Variants in SMG7 observed in about 807,000 individuals in gnomAD.
The protein encoded by SMG7 is SMG7 nonsense mediated mRNA decay factor.
In SMG7, 34 loss-of-function variants were observed where a neutral mutation model predicts 148.2. The ratio of observed to expected loss-of-function variants is 0.23; its 90% confidence interval spans 0.17 to 0.31. The LOEUF (loss-of-function observed/expected upper bound fraction) is 0.31. SMG7 is among the 10% of genes least tolerant of loss of function. SMG7 has a pLI of 1.00. For synonymous variants in SMG7, 492 were observed against 515.1 expected (o/e 0.96, Z 0.61); for missense variants, 1,114 against 1,408.4 (o/e 0.79, Z 3.35).
In SMG7 at chr1:183,542,179, C is replaced by T; in HGVS notation, c.1519C>T (p.Gln507Ter). 6.2e-7 allele frequency: 1 copy of T among 1,614,062 alleles called. No individual in the cohort carries two copies. The highest frequency in any genetic ancestry group is 8.5e-7 in the Non-Finnish European group (1 of 1,179,962). ...PSEAKENLILQETSVIESLAA... is the reference protein window; with the variant it reads ...PSEAKENLIL Reference sequence around the variant, plus strand: ...TGAAGCCAAAGAGAACCTCATTCTGCAAGAAACATCTGTGATAGAGTCGCT... The same window carrying T: ...TGAAGCCAAAGAGAACCTCATTCTGTAAGAAACATCTGTGATAGAGTCGCT... The change falls in exon 14 of 23, where the codon CAA becomes TAA. Residue 507 changes from glutamine (Q) to a stop codon, truncating the protein, a stop_gained. Transcript: ENST00000688051. LOFTEE classifies it high-confidence loss of function.
At chr1:183,525,315 T>C (rs1470446945) in intron 4 of SMG7, among the ~76,000 whole-genome samples, 2 of 152,170 alleles carry the variant, frequency 1.3e-5, no homozygotes, top group African/African-American at 2.4e-5. Context: ...CTGAAAAATA[T>C]CCGTTGTATT....
intron 8 of SMG7, 73 bp from the exon 9 acceptor site, chr1:183,533,091 C>G (rs1157494191): frequency 7.9e-7 from 1 of 1,268,138 alleles, no homozygotes. Context: ...TGCAGACTAC[C>G]AGTTTAATTT....
At chr1:183,523,654 A>T (rs1179832709) in intron 4 of SMG7, among the ~76,000 whole-genome samples, 1 of 152,154 alleles carries the variant, frequency 6.6e-6, no homozygotes, top group African/African-American at 2.4e-5. Context: ...ACTGCCTCTA[A>T]ACCAACTAGA....
intron 14 of SMG7, among the ~76,000 whole-genome samples, 200 bp from the exon 15 acceptor site, chr1:183,544,153 T>A (rs1669471735): frequency 2.0e-5 from 3 of 152,178 alleles, no homozygotes. Context: ...TTAGTAAAAC[T>A]AAGATAGTAA....
At chr1:183,518,756 T>C (rs1165058138) in intron 4 of SMG7, 1 of 152,230 alleles carries the variant, frequency 6.6e-6, no homozygotes, top group Non-Finnish European at 1.5e-5. Flanking sequence ...AATTACCATG[T>C]CATCCATTTG....
At chr1:183,541,166 A>G (rs548807176) in intron 13 of SMG7, 63 bp downstream of exon 13, 17 of 1,429,100 alleles carry the variant, frequency 1.2e-5, no homozygotes, top group East Asian at 7.1e-5. Context: ...ACATGCGCGC[A>G]CACGCGCGCG....
intron 10 of SMG7, 31 bp downstream of exon 10, chr1:183,533,863 G>T: frequency 2.5e-6 from 4 of 1,575,780 alleles, no homozygotes; most frequent in African/African-American, 1.3e-5. Flanking sequence ...ATGTTAACTT[G>T]TGTGCTTTGT....
intron 1 of SMG7, among the ~76,000 whole-genome samples, chr1:183,474,948 C>T (rs913446856): frequency 6.6e-6 from 1 of 152,126 alleles, no homozygotes; most frequent in East Asian, 1.9e-4. Context: ...GTATTCAGTC[C>T]AGTTAGACAA....
intron 4 of SMG7, among the ~76,000 whole-genome samples, chr1:183,520,904 ACT>A (rs1664614893): frequency 6.6e-6 from 1 of 152,010 alleles, no homozygotes; most frequent in Non-Finnish European, 1.5e-5. Flanking sequence ...AAATATGGAT[ACT>A]CTCTGAAATT....
chr1:183,552,693 G>C lies in SMG7; in HGVS notation c.*762G>C, dbSNP rs1671249795. 2 of 1,221,696 alleles carry C rather than the reference G, an allele frequency of 1.6e-6. No homozygotes were observed. The highest frequency in any genetic ancestry group is 2.1e-6 in the Non-Finnish European group (2 of 971,602). The allele number at this position is 1,221,696 out of a possible 1,614,324, so 75.7% of individuals were successfully genotyped here. ...CAGTGTGGGTGGTGGTGCTGGGCTG[G>C]ACTAGCAGGTAGACTGCTGTAGGAT... On this transcript the variant is annotated 3_prime_UTR_variant, in exon 23 of 23. Coordinates refer to ENST00000688051, the MANE Select transcript of SMG7 (RefSeq NM_001375584.1).
chr1:183,537,038 G>GA, intron 10 of SMG7, 107 bp from the exon 11 acceptor site: 1 of 726,420 alleles, frequency 1.4e-6, no homozygotes, highest in South Asian at 1.7e-5. Context: ...TGAAATAAGG[G>GA]AAAAATACAT....
At chr1:183,543,898 C>T (rs1401805179) in intron 14 of SMG7, among the ~76,000 whole-genome samples, 1 of 152,152 alleles carries the variant, frequency 6.6e-6, no homozygotes, top group Non-Finnish European at 1.5e-5. Flanking sequence ...TATGGCTACC[C>T]AGATGAAATC....
chr1:183,504,703 ATTCTT>A, intron 1 of SMG7, among the ~76,000 whole-genome samples: 1 of 152,170 alleles, frequency 6.6e-6, no homozygotes, highest in East Asian at 1.9e-4. Flanking sequence ...CTTTCTCTGC[ATTCTT>A]TTCTTTGTCA....
chr1:183,500,277 A>G (rs557988524), intron 1 of SMG7, among the ~76,000 whole-genome samples: 2 of 152,314 alleles, frequency 1.3e-5, no homozygotes, highest in South Asian at 4.1e-4. Flanking sequence ...GATGAAAACA[A>G]AGTGTGAATT....
rs1465425022 is a variant in SMG7 at position 183,553,790 on chromosome 1, C to T, written c.*1859C>T. 4 of 152,950 alleles carry T rather than the reference C, an allele frequency of 2.6e-5. No homozygotes were observed. Among genetic ancestry groups the T allele is most frequent in the African/African-American group, 9.7e-5 (4 of 41,418 alleles). 9.5% of individuals were successfully genotyped at this position (152,950 alleles called of 1,614,324 possible). On this transcript the variant is annotated 3_prime_UTR_variant, in exon 23 of 23. Coordinates refer to ENST00000688051, the MANE Select transcript of SMG7 (RefSeq NM_001375584.1). ...TCTCTCCTCTTCCCAAGCCTTTTTCCTACTACCTTTACCCAGTTTGTGTGT... is the reference window on the plus strand; with the variant it reads ...TCTCTCCTCTTCCCAAGCCTTTTTCTTACTACCTTTACCCAGTTTGTGTGT...
chr1:183,530,697 G>T (rs368061871), intron 8 of SMG7, among the ~76,000 whole-genome samples: 1 of 152,124 alleles, frequency 6.6e-6, no homozygotes, highest in African/African-American at 2.4e-5. Context: ...GGGGCTGACC[G>T]TGGGATGTTG....
intron 1 of SMG7, among the ~76,000 whole-genome samples, chr1:183,494,840 C>T (rs1658065717): frequency 7.9e-6 from 1 of 127,010 alleles, no homozygotes; most frequent in Non-Finnish European, 1.6e-5. Flanking sequence ...AATCTCGGCT[C>T]ACCACAACCT....
chr1:183,545,412 G>C, intron 16 of SMG7, 100 bp downstream of exon 16: 1 of 1,359,192 alleles, frequency 7.4e-7, no homozygotes, highest in South Asian at 1.3e-5. Flanking sequence ...CATACTTCTT[G>C]CTTAGATTTA....
intron 1 of SMG7, among the ~76,000 whole-genome samples, chr1:183,509,818 G>A (rs144510060): frequency 7.3e-4 from 111 of 152,048 alleles, no homozygotes; most frequent in African/African-American, 2.7e-3. Context: ...TTAGTTTTAC[G>A]GTTTTTCTTG....
Sources: gnomAD v4.1 joint callset for allele counts (sites outside exome capture counted in the v4.1 genomes callset) on GRCh38, gnomAD v4.1.1 for gene constraint, MANE v1.5 for transcripts, NCBI Gene and HGNC (gene_info 2026-07-23, HGNC 2026-07-21) for gene names.